Variants in NIN observed in about 807,000 individuals in gnomAD.
NIN encodes glycogen synthase kinase 3 beta-interacting protein.
NIN carries 137 observed loss-of-function variants against 257.6 expected under a neutral mutation model. That is an observed-to-expected ratio of 0.53 (90% CI 0.46 to 0.61). The LOEUF is 0.61. Among genes scored for constraint, NIN ranks in the 20% least tolerant of loss-of-function variants. NIN has a pLI of 0.00. For synonymous variants in NIN, 918 were observed against 919.8 expected (o/e 1.00, Z 0.04); for missense variants, 2,439 against 2,501.2 (o/e 0.98, Z 0.53).
chr14:50,831,293 C>G (rs1191382843), upstream of NIN, among the ~76,000 whole-genome samples: 8 of 152,006 alleles, frequency 5.3e-5, no homozygotes, highest in South Asian at 2.1e-4. Flanking sequence ...CGCGCCCTCC[C>G]GCTCCGAGCG....
In NIN at chr14:50,760,044, A is replaced by G; in HGVS notation, c.2212T>C (p.Phe738Leu). 1 of 1,613,998 alleles carries G rather than the reference A, an allele frequency of 6.2e-7. No individual in the cohort carries two copies. Among genetic ancestry groups the G allele is most frequent in the Non-Finnish European group, 8.5e-7 (1 of 1,180,004 alleles). Residue 738 changes from phenylalanine to leucine, a missense_variant, in exon 17 of 31, where the codon TTT becomes CTT. Phe to Leu is a conservative substitution (Grantham distance 22, BLOSUM62 0). Around this residue, in one of 3 missense-constraint regions of NIN, gnomAD observed 2,043 missense variants for 2,050.2 expected, o/e 1.00. Coordinates refer to ENST00000530997, the MANE Select transcript of NIN (RefSeq NM_020921.4). ...TGAAGGCCTTCCCTCTCCCGCTCAAAGCTTGCTTGAGCCTGTGTCAGTCTA... is the reference window on the plus strand; with the variant it reads ...TGAAGGCCTTCCCTCTCCCGCTCAAGGCTTGCTTGAGCCTGTGTCAGTCTA... ...KARLTQAQAS[F>L]EREREGLQSS...
intron 3 of NIN, among the ~76,000 whole-genome samples, chr14:50,809,414 A>T (rs2044480423): frequency 6.6e-6 from 1 of 152,142 alleles, no homozygotes. Context: ...AGGGACCTGT[A>T]ACTCTAGGTT....
intron 5 of NIN, among the ~76,000 whole-genome samples, chr14:50,783,846 A>G (rs1314751755): frequency 6.6e-6 from 1 of 152,160 alleles, no homozygotes; most frequent in Non-Finnish European, 1.5e-5. Context: ...GGGTCCTTTA[A>G]TTGCTGATGA....
At chr14:50,731,649 G>T (rs749172434) in intron 28 of NIN, among the ~76,000 whole-genome samples, 1 of 151,960 alleles carries the variant, frequency 6.6e-6, no homozygotes, top group East Asian at 1.9e-4. Flanking sequence ...TCCTGGCAAC[G>T]TGGTGAAATG....
intron 27 of NIN, among the ~76,000 whole-genome samples, 175 bp downstream of exon 27, chr14:50,737,965 A>G (rs533891214): frequency 2.6e-5 from 4 of 152,178 alleles, no homozygotes; most frequent in African/African-American, 9.7e-5. Context: ...TTTTTCAACC[A>G]TTATTCAATC....
intron 22 of NIN, among the ~76,000 whole-genome samples, chr14:50,746,890 G>A (rs1306133258): frequency 6.6e-6 from 1 of 152,008 alleles, no homozygotes; most frequent in East Asian, 1.9e-4. Context: ...AGAGTATTCT[G>A]TCGCCCAGGC....
intron 4 of NIN, among the ~76,000 whole-genome samples, chr14:50,800,587 CATGG>C (rs2044055070): frequency 6.6e-6 from 1 of 152,118 alleles, no homozygotes; most frequent in South Asian, 2.1e-4. Flanking sequence ...CTGAGAGTAG[CATGG>C]ATTAGCCAAA....
At chr14:50,792,691 C>T (rs377108770) in intron 5 of NIN, 21 bp downstream of exon 5, 20 of 1,613,712 alleles carry the variant, frequency 1.2e-5, no homozygotes, top group African/African-American at 5.3e-5. Context: ...TCCAGATGAA[C>T]GTGCATGCCC....
At chr14:50,728,382 T>C (rs2040518798) in intron 29 of NIN, among the ~76,000 whole-genome samples, 1 of 152,206 alleles carries the variant, frequency 6.6e-6, no homozygotes, top group Non-Finnish European at 1.5e-5. Context: ...AACAAAAACC[T>C]TCTAAAGTTT....
chr14:50,781,405 C>T (rs2043129595), intron 5 of NIN, among the ~76,000 whole-genome samples: 1 of 152,212 alleles, frequency 6.6e-6, no homozygotes, highest in African/African-American at 2.4e-5. Flanking sequence ...CTCGTCATTA[C>T]TAAAGCACTG....
chr14:50,738,530 A>C (rs2041115953), intron 26 of NIN, among the ~76,000 whole-genome samples: 1 of 152,186 alleles, frequency 6.6e-6, no homozygotes, highest in African/African-American at 2.4e-5. Context: ...TTCTGGGTCT[A>C]CTAACTCTCC....
intron 18 of NIN, among the ~76,000 whole-genome samples, chr14:50,755,467 T>G (rs2041978110): frequency 7.0e-6 from 1 of 143,022 alleles, no homozygotes; most frequent in African/African-American, 2.6e-5. Context: ...GTTTACAAGT[T>G]TTTTTTTTTT....
intron 3 of NIN, among the ~76,000 whole-genome samples, chr14:50,811,765 T>C (rs1444897034): frequency 6.6e-6 from 1 of 151,626 alleles, no homozygotes; most frequent in East Asian, 1.9e-4. Flanking sequence ...GAGGCTGAGG[T>C]GGGCGGATCA....
chr14:50,771,113 C>T (rs1336661436), intron 10 of NIN, 121 bp from the exon 11 acceptor site: 6 of 1,313,734 alleles, frequency 4.6e-6, no homozygotes, highest in Admixed American at 2.6e-5. Context: ...AAAACCCTCC[C>T]AAAGCAAAAA....
At chr14:50,825,803 A>G (rs2045431251) in intron 2 of NIN, among the ~76,000 whole-genome samples, 1 of 152,198 alleles carries the variant, frequency 6.6e-6, no homozygotes, top group Non-Finnish European at 1.5e-5. Flanking sequence ...TCCCCACACA[A>G]CACTCCATGG....
chr14:50,723,447 G>GTA lies in NIN; in HGVS notation c.*14_*15dup. The GTA allele has an allele frequency of 6.2e-7, 1 of 1,603,556 alleles. No individual in the cohort carries two copies. Among genetic ancestry groups the GTA allele is most frequent in the Non-Finnish European group, 8.5e-7 (1 of 1,172,424 alleles). ...TTCAGTAAAGTGCACAAATATGAGT[G>GTA]TACCCTTTGGTTTGGCTATGACCTC... is the stretch of plus-strand genomic sequence containing the variant. On this transcript the variant is annotated 3_prime_UTR_variant, in exon 31 of 31. Coordinates refer to ENST00000530997, the MANE Select transcript of NIN (RefSeq NM_020921.4).
In NIN at chr14:50,774,421, G is replaced by A. The variant is rs190509010; in HGVS notation, c.667-1326C>T. ...TTAGTTTCCATTCTTGCTTTCATAC[G>A]ACTTCCTCTGGAGGGAACTCTGAAA... On this transcript the variant is annotated intron_variant, in intron 7 of 30. Transcript: ENST00000530997. 1.4e-3 allele frequency among the ~76,000 whole-genome samples: 209 copies of A among 152,040 alleles called. 1 individual carries two copies. Among genetic ancestry groups the A allele is most frequent in the African/African-American group, 4.9e-3 (202 of 41,442 alleles).
intron 5 of NIN, among the ~76,000 whole-genome samples, chr14:50,779,848 TGAG>T (rs955624641): frequency 6.6e-6 from 1 of 151,910 alleles, no homozygotes; most frequent in Non-Finnish European, 1.5e-5. Flanking sequence ...TGTGGCATAG[TGAG>T]GAGAGAGATG....
intron 28 of NIN, among the ~76,000 whole-genome samples, chr14:50,734,637 TC>T (rs2040886731): frequency 6.6e-6 from 1 of 152,178 alleles, no homozygotes; most frequent in Non-Finnish European, 1.5e-5. Flanking sequence ...AGACTGGAAC[TC>T]AAAGTCCAAG....
Sources: gnomAD v4.1 joint callset for allele counts (sites outside exome capture counted in the v4.1 genomes callset) on GRCh38, gnomAD v4.1.1 for gene constraint, gnomAD v4.1.1 regional missense constraint, MANE v1.5 for transcripts, NCBI Gene and HGNC (gene_info 2026-07-23, HGNC 2026-07-21) for gene names.